ROBO1: variants seen among roughly 807,000 people sequenced by gnomAD.
ROBO1 encodes the protein roundabout guidance receptor 1, also known as roundabout homolog 1.
In ROBO1, 149 loss-of-function variants were observed where a neutral mutation model predicts 195.9. The observed-to-expected ratio is 0.76, with a 90% CI of 0.67 to 0.87. The LOEUF is 0.87. ROBO1 is among the 40% of genes least tolerant of loss of function. The pLI is 0.00. For synonymous variants in ROBO1, 816 were observed against 733.2 expected (o/e 1.11, Z -1.82); for missense variants, 1,933 against 2,068.3 (o/e 0.93, Z 1.27).
At chr3:79,397,329 A>T (rs2037194559) in intron 2 of ROBO1, among the ~76,000 whole-genome samples, 1 of 151,962 alleles carries the variant, frequency 6.6e-6, no homozygotes, top group Non-Finnish European at 1.5e-5. Flanking sequence ...GCTCTTCAGA[A>T]GCCAGACACA....
rs1559697945 is a variant in ROBO1 at position 78,651,905 on chromosome 3, G to C, written c.2639C>G (p.Pro880Arg). The change falls in exon 19 of 31, where the codon CCT becomes CGT. Residue 880 changes from proline to arginine, a missense_variant. Pro to Arg is a moderately radical substitution (Grantham distance 103). Coordinates refer to ENST00000464233, the MANE Select transcript of ROBO1 (RefSeq NM_002941.4). ...CTGAGCGAGGCTGACTTGGTCCTCA[G>C]GTGACACAGGGTTTCCATGGGCATC... ...QLDAHGNPVS[P>R]EDQVSLAQQI... The C allele has an allele frequency of 1.2e-6, 2 of 1,612,616 alleles. No homozygotes were observed. Among genetic ancestry groups the C allele is most frequent in the Non-Finnish European group, 1.7e-6 (2 of 1,179,318 alleles).
At chr3:79,016,943 G>A (rs1296599081) in intron 3 of ROBO1, among the ~76,000 whole-genome samples, 7 of 152,106 alleles carry the variant, frequency 4.6e-5, no homozygotes, top group African/African-American at 1.7e-4. Context: ...GTGGGGGACT[G>A]GAGGGACTAT....
At chr3:79,157,209 G>T (rs1576749726) in intron 2 of ROBO1, among the ~76,000 whole-genome samples, 1 of 151,722 alleles carries the variant, frequency 6.6e-6, no homozygotes, top group African/African-American at 2.4e-5. Flanking sequence ...TTTTTCCCTG[G>T]ACTTTCTCTG....
chr3:79,334,174 G>A (rs1211552179), intron 2 of ROBO1, among the ~76,000 whole-genome samples: 1 of 151,564 alleles, frequency 6.6e-6, no homozygotes, highest in Non-Finnish European at 1.5e-5. Context: ...GCGTGGTGGT[G>A]CACCTGTAAT....
intron 4 of ROBO1, among the ~76,000 whole-genome samples, chr3:78,763,580 C>A (rs1487139): frequency 0.41 from 61,754 of 151,954 alleles, 12,712 homozygotes; most frequent in Middle Eastern, 0.5. Flanking sequence ...CAAAAAGAAA[C>A]ACATGATTTT....
intron 28 of ROBO1, among the ~76,000 whole-genome samples, chr3:78,610,387 C>T (rs1271354991): frequency 2.0e-5 from 3 of 152,012 alleles, no homozygotes; most frequent in East Asian, 3.9e-4. Flanking sequence ...CCAAGGGACC[C>T]AAGGAAGAAT....
chr3:79,221,884 T>G (rs1269244228), intron 2 of ROBO1, among the ~76,000 whole-genome samples: 6 of 152,130 alleles, frequency 3.9e-5, no homozygotes, highest in African/African-American at 1.4e-4. Flanking sequence ...GAATACTGGA[T>G]AGAAAATGTC....
chr3:79,159,386 G>A (rs1264482176), intron 2 of ROBO1, among the ~76,000 whole-genome samples: 1 of 151,950 alleles, frequency 6.6e-6, no homozygotes, highest in East Asian at 1.9e-4. Context: ...TGTATCAATA[G>A]TGTTGTGTAT....
chr3:79,521,360 T>C (rs1011691126), intron 2 of ROBO1, among the ~76,000 whole-genome samples: 1 of 152,168 alleles, frequency 6.6e-6, no homozygotes, highest in African/African-American at 2.4e-5. Flanking sequence ...TTAATTTCCT[T>C]GAGGTAGAGA....
intron 4 of ROBO1, among the ~76,000 whole-genome samples, chr3:78,927,178 C>T (rs116189137): frequency 4.6e-5 from 7 of 152,230 alleles, no homozygotes; most frequent in Non-Finnish European, 1.0e-4. Flanking sequence ...TTTGAATTGC[C>T]TATGTTTAAA....
intron 4 of ROBO1, among the ~76,000 whole-genome samples, chr3:78,815,790 C>G (rs1257589357): frequency 1.3e-5 from 2 of 152,152 alleles, no homozygotes; most frequent in Non-Finnish European, 2.9e-5. Context: ...ACTTGTAATT[C>G]TACTTCTCTT....
intron 2 of ROBO1, among the ~76,000 whole-genome samples, chr3:79,257,364 G>C (rs538682178): frequency 1.8e-4 from 27 of 152,110 alleles, no homozygotes; most frequent in African/African-American, 6.5e-4. Context: ...AGTGGAACTC[G>C]AAAGTACAAA....
chr3:78,634,262 T>C (rs1165389893), intron 23 of ROBO1, among the ~76,000 whole-genome samples: 1 of 151,710 alleles, frequency 6.6e-6, no homozygotes, highest in East Asian at 1.9e-4. Flanking sequence ...ATAATATCAA[T>C]ATGATTTTAA....
intron 19 of ROBO1, among the ~76,000 whole-genome samples, chr3:78,650,137 C>T (rs1251812749): frequency 6.6e-6 from 1 of 152,120 alleles, no homozygotes; most frequent in Non-Finnish European, 1.5e-5. Context: ...CCCTTCCCCA[C>T]TCCACCACAC....
chr3:79,722,287 T>C (rs1362390836), intron 1 of ROBO1, among the ~76,000 whole-genome samples: 1 of 152,220 alleles, frequency 6.6e-6, no homozygotes, highest in Non-Finnish European at 1.5e-5. Context: ...TCATACATCT[T>C]TAGAAATCTA....
At chr3:79,302,419 A>T (rs954054210) in intron 2 of ROBO1, among the ~76,000 whole-genome samples, 6 of 152,214 alleles carry the variant, frequency 3.9e-5, no homozygotes, top group Admixed American at 3.3e-4. Flanking sequence ...TAGGTATGTC[A>T]TAAGTGTATT....
chr3:78,838,878 C>T (rs1285365200), intron 4 of ROBO1, among the ~76,000 whole-genome samples: 2 of 152,178 alleles, frequency 1.3e-5, no homozygotes, highest in Non-Finnish European at 2.9e-5. Flanking sequence ...CCACACTCCC[C>T]AACATGGACA....
chr3:78,763,603 A>G (rs2083157868), intron 4 of ROBO1, among the ~76,000 whole-genome samples: 1 of 152,158 alleles, frequency 6.6e-6, no homozygotes, highest in African/African-American at 2.4e-5. Context: ...CTCCATTCCC[A>G]AACTCCACAC....
At chr3:79,609,986 T>C (rs1439760342) in intron 1 of ROBO1, among the ~76,000 whole-genome samples, 1 of 151,958 alleles carries the variant, frequency 6.6e-6, no homozygotes, top group Non-Finnish European at 1.5e-5. Context: ...TAGGTAAAGA[T>C]GGTTAAAATT....
Sources: gnomAD v4.1 joint callset for allele counts (sites outside exome capture counted in the v4.1 genomes callset) on GRCh38, gnomAD v4.1.1 for gene constraint, MANE v1.5 for transcripts, NCBI Gene and HGNC (gene_info 2026-07-23, HGNC 2026-07-21) for gene names.